The following CCSER2 variants were observed in gnomAD, a reference collection of about 807,000 sequenced individuals.
CCSER2 encodes the protein coiled-coil serine rich protein 2, also known as serine-rich coiled-coil domain-containing protein 2.
In CCSER2, 46 loss-of-function variants were observed where a neutral mutation model predicts 92.3. That is an observed-to-expected ratio of 0.50 (90% CI 0.39 to 0.64). The LOEUF is 0.64. Ranked by LOEUF, CCSER2 falls within the 30% of genes least tolerant of loss-of-function variation. The probability of loss-of-function intolerance (pLI) is 0.00; values close to 1 mark genes in which losing one functional copy is unlikely to be tolerated. For missense variants in CCSER2, 1,244 were observed against 1,238.9 expected, an observed-to-expected ratio of 1.00 and a Z score of -0.06; for synonymous variants, 433 against 431.4, an observed-to-expected ratio of 1.00 and a Z score of -0.04.
At chr10:84,391,323 G>A (rs1221715951) in intron 3 of CCSER2, 5 of 1,444,290 alleles carry the variant, frequency 3.5e-6, no homozygotes, top group African/African-American at 2.8e-5. Context: ...TTACTGAGTG[G>A]CCTGGCTGAA....
At chr10:84,358,687 C>T (rs1358168086) in intron 1 of CCSER2, among the ~76,000 whole-genome samples, 4 of 147,760 alleles carry the variant, frequency 2.7e-5, no homozygotes, top group East Asian at 3.9e-4. Context: ...TATATATATA[C>T]ACACACACAC....
chr10:84,390,846 C>T (rs1036621940), intron 3 of CCSER2: 1 of 555,960 alleles, frequency 1.8e-6, no homozygotes, highest in Admixed American at 3.0e-5. Context: ...ACATCTTAAT[C>T]TTAATCATAC....
chr10:84,510,927 A>G (rs534471902), intron 9 of CCSER2, among the ~76,000 whole-genome samples: 4 of 152,376 alleles, frequency 2.6e-5, no homozygotes, highest in African/African-American at 2.4e-5. Context: ...TTGTTTTTAC[A>G]GTAGTGGAAT....
chr10:84,499,476 A>G (rs1848611642), intron 9 of CCSER2, among the ~76,000 whole-genome samples: 1 of 152,120 alleles, frequency 6.6e-6, no homozygotes, highest in Non-Finnish European at 1.5e-5. Flanking sequence ...GTATTGCCTG[A>G]TTCACAAATT....
chr10:84,434,064 A>G (rs1376223453), intron 5 of CCSER2, among the ~76,000 whole-genome samples: 1 of 152,216 alleles, frequency 6.6e-6, no homozygotes, highest in Non-Finnish European at 1.5e-5. Flanking sequence ...TTAGAAATTC[A>G]TGAATGTTAA....
In CCSER2 at chr10:84,344,854, C is replaced by T. The variant is rs150401389; in HGVS notation, c.-40+16046C>T. 2.3e-4 allele frequency among the ~76,000 whole-genome samples: 35 copies of T among 152,234 alleles called. No individual in the cohort carries two copies. The East Asian group carries it at 3.5e-3, about 15-fold the overall frequency. Reference sequence around the variant, plus strand: ...GAAGGCTTGGGTAATTTTAGCTGCACGCACTCACTAGCTATGTGTCTATAT... The same window carrying T: ...GAAGGCTTGGGTAATTTTAGCTGCATGCACTCACTAGCTATGTGTCTATAT... On this transcript the variant is annotated intron_variant, in intron 1 of 9. Transcript: ENST00000372088.
intron 3 of CCSER2, among the ~76,000 whole-genome samples, chr10:84,375,888 CA>C (rs1846309640): frequency 7.0e-6 from 1 of 142,308 alleles, no homozygotes; most frequent in Admixed American, 7.2e-5. Context: ...TACAGTGGTT[CA>C]AAGTAGTATC....
intron 3 of CCSER2, among the ~76,000 whole-genome samples, chr10:84,404,162 G>C (rs1842259174): frequency 6.6e-6 from 1 of 152,180 alleles, no homozygotes; most frequent in East Asian, 1.9e-4. Flanking sequence ...AGCCACCTCT[G>C]TTCTGATTTC....
chr10:84,420,244 T>G (rs772229928), intron 4 of CCSER2, among the ~76,000 whole-genome samples: 1 of 152,186 alleles, frequency 6.6e-6, no homozygotes, highest in Non-Finnish European at 1.5e-5. Context: ...AGGTCTTGAT[T>G]GGGGACTTGT....
intron 3 of CCSER2, among the ~76,000 whole-genome samples, chr10:84,402,931 AATACTTTTTTGTAG>A (rs1409852121): frequency 1.3e-5 from 2 of 152,212 alleles, no homozygotes; most frequent in African/African-American, 2.4e-5. Context: ...AAACCCTGGA[AATACTTTTTTGTAG>A]ATATAGACAG....
chr10:84,438,740 A>G (rs768996002), intron 6 of CCSER2, 33 bp downstream of exon 6: 1 of 1,337,224 alleles, frequency 7.5e-7, no homozygotes, highest in Non-Finnish European at 1.0e-6. Flanking sequence ...CAGCTCTGAT[A>G]TTTTGAATTG....
At chr10:84,416,461 A>T (rs1041279429) in intron 3 of CCSER2, among the ~76,000 whole-genome samples, 1 of 152,278 alleles carries the variant, frequency 6.6e-6, no homozygotes, top group East Asian at 1.9e-4. Flanking sequence ...TGGAGTTTTT[A>T]AAAATGAAAA....
chr10:84,442,862 C>A (rs1251893059), intron 6 of CCSER2, among the ~76,000 whole-genome samples: 1 of 152,126 alleles, frequency 6.6e-6, no homozygotes, highest in South Asian at 2.1e-4. Flanking sequence ...AACCATCTGA[C>A]CTTTGACAAA....
intron 3 of CCSER2, among the ~76,000 whole-genome samples, chr10:84,388,474 A>G (rs1215188461): frequency 1.3e-5 from 2 of 152,150 alleles, no homozygotes; most frequent in Non-Finnish European, 2.9e-5. Context: ...GATGGTGTTG[A>G]TGATCTCTAC....
chr10:84,369,494 C>T (rs1396141891), intron 1 of CCSER2, among the ~76,000 whole-genome samples: 1 of 151,752 alleles, frequency 6.6e-6, no homozygotes, highest in Non-Finnish European at 1.5e-5. Flanking sequence ...ATGTTATTTG[C>T]CCACTTTTTG....
At chr10:84,510,385 T>C (rs1289735545) in intron 9 of CCSER2, among the ~76,000 whole-genome samples, 1 of 152,182 alleles carries the variant, frequency 6.6e-6, no homozygotes. Flanking sequence ...TTGTTACGCT[T>C]AAGACATGAT....
chr10:84,350,557 C>T (rs954292530), intron 1 of CCSER2, among the ~76,000 whole-genome samples: 2 of 152,126 alleles, frequency 1.3e-5, no homozygotes, highest in Non-Finnish European at 2.9e-5. Context: ...TCTAATCTTA[C>T]CTCCCACCAA....
At chr10:84,501,203 T>C (rs920296171) in intron 9 of CCSER2, among the ~76,000 whole-genome samples, 1 of 152,166 alleles carries the variant, frequency 6.6e-6, no homozygotes, top group Non-Finnish European at 1.5e-5. Context: ...TAAGTTGCTT[T>C]CTTTTCTCCT....
At chr10:84,405,601 A>C (rs771823569) in intron 3 of CCSER2, among the ~76,000 whole-genome samples, 9 of 152,210 alleles carry the variant, frequency 5.9e-5, no homozygotes, top group Non-Finnish European at 1.0e-4. Context: ...AACTCTTAAA[A>C]GTCAGCAATA....
Sources: gnomAD v4.1 joint callset for allele counts (sites outside exome capture counted in the v4.1 genomes callset) on GRCh38, gnomAD v4.1.1 for gene constraint, MANE v1.5 for transcripts, NCBI Gene and HGNC (gene_info 2026-07-23, HGNC 2026-07-21) for gene names.